The following IGFN1 variants were observed in gnomAD, a reference collection of about 807,000 sequenced individuals.
The protein encoded by IGFN1 is immunoglobulin-like and fibronectin type III domain-containing protein 1.
A neutral mutation model predicts 289.5 loss-of-function variants in IGFN1; 253 were observed. That is an observed-to-expected ratio of 0.87 (90% CI 0.79 to 0.97). The LOEUF (loss-of-function observed/expected upper bound fraction) is 0.97. Ranked by LOEUF, IGFN1 falls within the 50% of genes least tolerant of loss-of-function variation. IGFN1 has a pLI of 0.00. For synonymous variants in IGFN1, 1,706 were observed against 1,788.5 expected, an observed-to-expected ratio of 0.95 and a Z score of 1.16; for missense variants, 4,470 against 4,686.1, an observed-to-expected ratio of 0.95 and a Z score of 1.35.
chr1:201,201,178 C>G (rs1471313424), intron 8 of IGFN1, among the ~76,000 whole-genome samples: 1 of 152,134 alleles, frequency 6.6e-6, no homozygotes, highest in African/African-American at 2.4e-5. Flanking sequence ...TTCACAGTTC[C>G]CATTAGCACT....
chr1:201,208,368 G>A lies in IGFN1; in HGVS notation c.3475G>A (p.Gly1159Arg). ...CATGGGACCAGGGTCTCTGAGGGCA[G>A]GAAGCAAAGTGGGTGAGGGGGATGG... is the stretch of plus-strand genomic sequence containing the variant. ...GAMGPGSLRA[G>R]SKVGEGDGTR... The change falls in exon 12 of 24, where the codon GGA becomes AGA. Residue 1159 changes from glycine (G) to arginine (R), a missense_variant. Physicochemically the swap from Gly to Arg is moderately radical, Grantham distance 125 (BLOSUM62 -2). Transcript: ENST00000335211. The A allele has an allele frequency of 2.1e-6, 3 of 1,461,682 alleles. No individual in the cohort carries two copies. Among genetic ancestry groups the A allele is most frequent in the Non-Finnish European group, 2.7e-6 (3 of 1,116,728 alleles). 90.5% of individuals were successfully genotyped at this position (1,461,682 alleles called of 1,614,324 possible).
Position 201,222,775 on chromosome 1 carries a change from A to T in IGFN1, c.10238A>T (p.Asp3413Val). Residue 3413 changes from aspartate (D) to valine (V), a missense_variant, in exon 20 of 24, where the codon GAC becomes GTC. Physicochemically the swap from Asp to Val is radical, Grantham distance 152. Transcript: ENST00000335211. ...TTCCTCGTGGACTCCAGCACCAAGG[A>T]CTTGCTGACAGTCAAGGTCGGGGAC... ...PKFLVDSSTK[D>V]LLTVKVGDTV... The T allele has an allele frequency of 6.2e-7, 1 of 1,613,316 alleles. No individual in the cohort carries two copies. Among genetic ancestry groups the T allele is most frequent in the Non-Finnish European group, 8.5e-7 (1 of 1,179,492 alleles).
At chr1:201,200,521 T>C (rs899012293) in intron 8 of IGFN1, 110 bp downstream of exon 8, 9 of 834,620 alleles carry the variant, frequency 1.1e-5, no homozygotes, top group African/African-American at 3.4e-5. Context: ...AAACCAAGTA[T>C]GATCAAGGGG....
rs748755808 is a variant in IGFN1, at chr1:201,228,693, G to GA, written c.*295dup. ...TTTCTTCTTCGCTTCAGGAGATCCA[G>GA]AGGGCACCTGCCTGCAGGATGGGCC... On this transcript the variant is annotated 3_prime_UTR_variant, in exon 24 of 24. Transcript: ENST00000335211. 4.2e-6 allele frequency: 2 copies of GA among 471,866 alleles called. No homozygotes were observed. The highest frequency in any genetic ancestry group is 7.7e-6 in the Non-Finnish European group (2 of 260,890). The allele number at this position is 471,866 out of a possible 1,614,324, so 29.2% of individuals were successfully genotyped here.
At position 201,215,160 on chromosome 1, in the gene IGFN1, G is replaced by A. The variant is rs1311583727; in HGVS notation, c.8995+6G>A. 1.9e-6 allele frequency: 3 copies of A among 1,610,768 alleles called. No homozygotes were observed. In the African/African-American group the frequency reaches 4.0e-5, roughly 22 times the overall value. ...GGCCACCCTGACCGTCCAGGGTAAG[G>A]CCCAGCCCTGCCCTGCCCTGCCCTG... On this transcript the variant is annotated splice_donor_region_variant and intron_variant, in intron 14 of 23. Transcript: ENST00000335211.
chr1:201,216,667 G>A lies in IGFN1; in HGVS notation c.9509G>A (p.Arg3170Lys). 1.9e-6 allele frequency: 3 copies of A among 1,614,106 alleles called. No individual in the cohort carries two copies. The highest frequency in any genetic ancestry group is 1.1e-5 in the South Asian group (1 of 91,084). The change falls in exon 16 of 24, where the codon AGG becomes AAG. Residue 3170 changes from arginine (R) to lysine (K), a missense_variant. Coordinates refer to ENST00000335211, the MANE Select transcript of IGFN1 (RefSeq NM_001164586.2). ...TFTDAHVEPG[R>K]KYTFRVRAVT... Reference sequence around the variant, plus strand: ...ACGGATGCCCATGTGGAGCCAGGCAGGAAGTATACCTTCCGAGTGCGGGCT... The same window carrying A: ...ACGGATGCCCATGTGGAGCCAGGCAAGAAGTATACCTTCCGAGTGCGGGCT...
chr1:201,200,404 T>G lies in IGFN1; in HGVS notation c.626T>G (p.Met209Arg). ...ATGAAGAAGGAACAGGAGGACAAGA[T>G]GGCACAGGTGCCTCACCCCATTCCC... The part of the protein sequence containing the change: ...QEMKKEQEDK[M>R]AQYINTISSL... The change falls in exon 8 of 24, where the codon ATG becomes AGG. Residue 209 changes from methionine to arginine, a missense_variant. Met to Arg is a moderately conservative substitution (Grantham distance 91). Transcript: ENST00000335211. 1 of 1,551,474 alleles carries G rather than the reference T, an allele frequency of 6.4e-7. No homozygotes were observed. The highest frequency in any genetic ancestry group is 8.7e-7 in the Non-Finnish European group (1 of 1,146,888).
Position 201,211,956 on chromosome 1 carries a change from A to G in IGFN1, c.7063A>G (p.Lys2355Glu). The G allele has an allele frequency of 6.5e-7, 1 of 1,532,098 alleles. No individual in the cohort carries two copies. The highest frequency in any genetic ancestry group is 1.2e-5 in the South Asian group (1 of 83,276). The allele number at this position is 1,532,098 out of a possible 1,614,324, so 94.9% of individuals were successfully genotyped here. Reference sequence around the variant, plus strand: ...ATCTGGGGAAACGGGACCAGAGGGTAAGATGGGTTATGGAGATGGTTCAGG... The same window carrying G: ...ATCTGGGGAAACGGGACCAGAGGGTGAGATGGGTTATGGAGATGGTTCAGG... ...GGSGETGPEGKMGYGDGSGRL... is the reference protein window; with the variant it reads ...GGSGETGPEGEMGYGDGSGRL... Residue 2355 changes from lysine to glutamate, a missense_variant, in exon 12 of 24, where the codon AAG becomes GAG. By Grantham distance (56) the Lys-to-Glu change is moderately conservative. Around this residue, in one of 8 missense-constraint regions of IGFN1, gnomAD observed 2,218 missense variants for 2,114.1 expected, o/e 1.05. Coordinates refer to ENST00000335211, the MANE Select transcript of IGFN1 (RefSeq NM_001164586.2).
At chr1:201,202,669 C>G (rs960021747) in intron 9 of IGFN1, among the ~76,000 whole-genome samples, 1 of 151,928 alleles carries the variant, frequency 6.6e-6, no homozygotes, top group Non-Finnish European at 1.5e-5. Flanking sequence ...TTTTTGTTCC[C>G]TAGTTTTCTC....
rs1025523886 is a variant in IGFN1 at position 201,197,212 on chromosome 1, C to G, written c.268-6C>G. Reference sequence around the variant, plus strand: ...CCCTGTTCCTCTGCCCTTGGCCTCTCTGCAGATCAACAAGCTGACAGGCGA... The same window carrying G: ...CCCTGTTCCTCTGCCCTTGGCCTCTGTGCAGATCAACAAGCTGACAGGCGA... On this transcript the variant is annotated splice_region_variant and splice_polypyrimidine_tract_variant and intron_variant, in intron 4 of 23. Coordinates refer to ENST00000335211, the MANE Select transcript of IGFN1 (RefSeq NM_001164586.2). 1.3e-6 allele frequency: 2 copies of G among 1,544,514 alleles called. No individual in the cohort carries two copies. The highest frequency in any genetic ancestry group is 1.4e-5 in the African/African-American group (1 of 73,042).
At chr1:201,225,541 C>G (rs768655201) in intron 21 of IGFN1, among the ~76,000 whole-genome samples, 6 of 152,114 alleles carry the variant, frequency 3.9e-5, no homozygotes, top group Non-Finnish European at 2.9e-5. Flanking sequence ...TGCAGTGAGC[C>G]GAGATCGTGC....
rs773552705 is a variant in IGFN1, at chr1:201,217,280, C to G, written c.9596-7C>G. 3.1e-6 allele frequency: 5 copies of G among 1,612,194 alleles called. No individual in the cohort carries two copies. Among genetic ancestry groups the G allele is most frequent in the Non-Finnish European group, 4.2e-6 (5 of 1,179,186 alleles). ...CTCTGGCTGACTGGAATCTTTCTTA[C>G]CCCCAGCTCTCCCCAAGGCCCCTTC... On this transcript the variant is annotated splice_region_variant and splice_polypyrimidine_tract_variant and intron_variant, in intron 16 of 23. Coordinates refer to ENST00000335211, the MANE Select transcript of IGFN1 (RefSeq NM_001164586.2).
chr1:201,227,005 T>C lies in IGFN1; in HGVS notation c.10910T>C (p.Val3637Ala). ...TGCGAGTGCTGCATGAGCTGTGCCG[T>C]GCAGGGCTCGCCCCGGCCCCACGTC... is the stretch of plus-strand genomic sequence containing the variant. Reference protein sequence around the residue: ...QGCECCMSCAVQGSPRPHVTW... With the variant: ...QGCECCMSCAAQGSPRPHVTW... The change falls in exon 23 of 24, where the codon GTG (valine) becomes GCG (alanine). Residue 3637 changes from valine (V) to alanine (A), a missense_variant. Physicochemically the swap from Val to Ala is moderately conservative, Grantham distance 64 (BLOSUM62 0). This residue lies in a region of IGFN1 where 2,218 missense variants were observed against 2,114.1 expected (regional missense o/e 1.05). Coordinates refer to ENST00000335211, the MANE Select transcript of IGFN1 (RefSeq NM_001164586.2). 1.2e-6 allele frequency: 2 copies of C among 1,613,362 alleles called. No homozygotes were observed. The highest frequency in any genetic ancestry group is 1.1e-5 in the South Asian group (1 of 91,082).
chr1:201,206,397 C>T lies in IGFN1; in HGVS notation c.1504C>T (p.Leu502Phe). 4 of 1,550,842 alleles carry T rather than the reference C, an allele frequency of 2.6e-6. No homozygotes were observed. Among genetic ancestry groups the T allele is most frequent in the Non-Finnish European group, 3.5e-6 (4 of 1,146,978 alleles). Residue 502 changes from leucine to phenylalanine, a missense_variant, in exon 12 of 24, where the codon CTT becomes TTT. Physicochemically the swap from Leu to Phe is conservative, Grantham distance 22. Around this residue, in one of 8 missense-constraint regions of IGFN1, gnomAD observed 2,011 missense variants for 1,953.4 expected, o/e 1.03. Transcript: ENST00000335211. Reference sequence around the variant, plus strand: ...AGTAGCAGAGGGAAGCAGAGCCACTCTTCCCAGGGAAAATCAATCCCACAG... The same window carrying T: ...AGTAGCAGAGGGAAGCAGAGCCACTTTTCCCAGGGAAAATCAATCCCACAG... ...FPVAEGSRAT[L>F]PRENQSHREG...
At chr1:201,227,725 C>T (rs542309500) in intron 23 of IGFN1, among the ~76,000 whole-genome samples, 15 of 152,240 alleles carry the variant, frequency 9.9e-5, no homozygotes, top group Admixed American at 2.6e-4. Context: ...CCACTGTGCC[C>T]GGCAGATTTG....
chr1:201,206,472 G>C lies in IGFN1; in HGVS notation c.1579G>C (p.Glu527Gln). The C allele has an allele frequency of 6.4e-7, 1 of 1,551,380 alleles. No homozygotes were observed. Among genetic ancestry groups the C allele is most frequent in the Admixed American group, 2.0e-5 (1 of 51,008 alleles). ...TGCAGAGAGGCCCCATCTACAGGGA[G>C]AGAGCTCAGAATCAGGGTTGGGCCT... ...SLAERPHLQG[E>Q]SSESGLGLPE... The change falls in exon 12 of 24, where the codon GAG becomes CAG. Residue 527 changes from glutamate (E) to glutamine (Q), a missense_variant. Around this residue, in one of 8 missense-constraint regions of IGFN1, gnomAD observed 2,011 missense variants for 1,953.4 expected, o/e 1.03. Coordinates refer to ENST00000335211, the MANE Select transcript of IGFN1 (RefSeq NM_001164586.2).
intron 11 of IGFN1, among the ~76,000 whole-genome samples, chr1:201,205,794 C>T (rs1667389514): frequency 6.6e-6 from 1 of 152,248 alleles, no homozygotes; most frequent in Non-Finnish European, 1.5e-5. Context: ...GTTTGATAAA[C>T]AAATGACTTT....
chr1:201,203,716 C>T (rs1667264210), intron 9 of IGFN1, 22 bp from the exon 10 acceptor site: 15 of 1,550,456 alleles, frequency 9.7e-6, no homozygotes, highest in Middle Eastern at 3.3e-4. Flanking sequence ...AGGCCCGCCT[C>T]CTCTTCCTTT....
Position 201,216,687 on chromosome 1 carries a change from C to A in IGFN1, c.9529C>A (p.Arg3177=). 1 of 1,613,772 alleles carries A rather than the reference C, an allele frequency of 6.2e-7. No individual in the cohort carries two copies. Among genetic ancestry groups the A allele is most frequent in the Non-Finnish European group, 8.5e-7 (1 of 1,179,890 alleles). ...AGGCAGGAAGTATACCTTCCGAGTG[C>A]GGGCTGTGACCTCAGAGGGGGCTGG... is the stretch of plus-strand genomic sequence containing the variant. ...EPGRKYTFRV[R]AVTSEGAGEA... The change falls in exon 16 of 24, where the codon CGG becomes AGG. Residue 3177 remains arginine, a synonymous_variant. Coordinates refer to ENST00000335211, the MANE Select transcript of IGFN1 (RefSeq NM_001164586.2).
Sources: allele counts gnomAD v4.1 joint callset (sites outside exome capture counted in the v4.1 genomes callset), GRCh38; gene constraint gnomAD v4.1.1; regional missense constraint gnomAD v4.1.1; transcripts MANE v1.5; gene names NCBI Gene and HGNC (gene_info 2026-07-23, HGNC 2026-07-21).